Variants in HIPK3 observed in about 807,000 individuals in gnomAD.
HIPK3 encodes the protein homeodomain interacting protein kinase 3.
Under a neutral mutation model 124.2 loss-of-function variants are expected in HIPK3, and 47 were observed. The ratio of observed to expected loss-of-function variants is 0.38; its 90% CI spans 0.30 to 0.48. HIPK3 has a LOEUF of 0.48. HIPK3 is among the 20% of genes least tolerant of loss of function. The pLI, the probability that HIPK3 is intolerant of heterozygous loss-of-function variation, is 0.98. For synonymous variants in HIPK3, 482 were observed against 515.2 expected (o/e 0.94, Z 0.87); for missense variants, 1,286 against 1,454.3 (o/e 0.88, Z 1.88).
chr11:33,338,748 T>C lies in HIPK3; in HGVS notation c.1342-9T>C, dbSNP rs1341051590. The C allele has an allele frequency of 6.4e-7, 1 of 1,574,000 alleles. No individual in the cohort carries two copies. The highest frequency in any genetic ancestry group is 8.7e-7 in the Non-Finnish European group (1 of 1,146,560). ...TGTATTCTTTTTTCCCTTTGATATA[T>C]GCAATAAGACATTGGAAGAGCATGA... On this transcript the variant is annotated splice_polypyrimidine_tract_variant and intron_variant, in intron 4 of 16. Transcript: ENST00000303296.
intron 1 of HIPK3, among the ~76,000 whole-genome samples, chr11:33,282,376 C>T (rs970045899): frequency 2.0e-5 from 3 of 149,888 alleles, no homozygotes; most frequent in African/African-American, 7.4e-5. Context: ...CAAAGACTGT[C>T]TCAAAAAAAA....
chr11:33,292,911 G>A (rs150797974), intron 2 of HIPK3, among the ~76,000 whole-genome samples: 1,823 of 152,200 alleles, frequency 0.012, 43 homozygotes, highest in African/African-American at 0.041. Context: ...AATTTGTTTT[G>A]TATTTTTGGT....
At chr11:33,280,188 C>G (rs1040443231) in intron 1 of HIPK3, among the ~76,000 whole-genome samples, 5 of 152,126 alleles carry the variant, frequency 3.3e-5, no homozygotes, top group African/African-American at 1.2e-4. Context: ...GGTAGTATTT[C>G]AAAACATCGT....
intron 2 of HIPK3, among the ~76,000 whole-genome samples, chr11:33,298,248 A>G (rs747135083): frequency 2.0e-5 from 3 of 152,204 alleles, no homozygotes; most frequent in Non-Finnish European, 4.4e-5. Flanking sequence ...CAAAGCCTGG[A>G]TTAGAGCATA....
intron 1 of HIPK3, among the ~76,000 whole-genome samples, chr11:33,258,923 A>T (rs909645005): frequency 2.0e-5 from 3 of 150,800 alleles, no homozygotes; most frequent in African/African-American, 7.3e-5. Context: ...ACAGCAAAAA[A>T]TTTCAGTTTA....
rs1173539375 is a variant in HIPK3, at chr11:33,353,419, G to A, written c.3499G>A (p.Gly1167Ser). The A allele has an allele frequency of 6.2e-7, 1 of 1,613,882 alleles. No individual in the cohort carries two copies. The highest frequency in any genetic ancestry group is 8.5e-7 in the Non-Finnish European group (1 of 1,179,972). Reference protein sequence around the residue: ...PSGIVHQVPVGLNPRLLPSPT... With the variant: ...PSGIVHQVPVSLNPRLLPSPT... ...TGGCATAGTTCACCAAGTCCCAGTG[G>A]GCTTAAATCCCCGTCTGTTACCATC... is the stretch of plus-strand genomic sequence containing the variant. The change falls in exon 17 of 17, where the codon GGC becomes AGC. Residue 1167 changes from glycine (G) to serine (S), a missense_variant. Transcript: ENST00000303296.
chr11:33,321,007 G>A (rs1464634584), intron 2 of HIPK3, among the ~76,000 whole-genome samples: 1 of 152,258 alleles, frequency 6.6e-6, no homozygotes, highest in East Asian at 1.9e-4. Flanking sequence ...AGTGCACATA[G>A]AGAGGATAGA....
At chr11:33,330,137 C>T (rs1020472050) in intron 3 of HIPK3, among the ~76,000 whole-genome samples, 2 of 152,140 alleles carry the variant, frequency 1.3e-5, no homozygotes, top group South Asian at 4.1e-4. Context: ...AAGCCTTGAC[C>T]AAAACTCAGT....
chr11:33,257,427 G>A lies in HIPK3; in HGVS notation c.-465G>A, dbSNP rs1850694671. 9.1e-6 allele frequency: 9 copies of A among 985,276 alleles called. No individual in the cohort carries two copies. The highest frequency in any genetic ancestry group is 3.5e-5 in the African/African-American group (2 of 57,368). 61.0% of individuals were successfully genotyped at this position (985,276 alleles called of 1,614,324 possible). Reference sequence around the variant, plus strand: ...GACTGCCGGCATCGCGGCGACCTGAGGAGATCAAGCCGCAGGCCCCGCCGT... The same window carrying A: ...GACTGCCGGCATCGCGGCGACCTGAAGAGATCAAGCCGCAGGCCCCGCCGT... On this transcript the variant is annotated 5_prime_UTR_variant, in exon 1 of 17. Transcript: ENST00000303296.
At chr11:33,352,728 A>G (rs1320147308) in intron 16 of HIPK3, among the ~76,000 whole-genome samples, 1 of 152,120 alleles carries the variant, frequency 6.6e-6, no homozygotes, top group African/African-American at 2.4e-5. Flanking sequence ...GGGAATCGTA[A>G]TTATATCATG....
chr11:33,326,020 A>G (rs1020753320), intron 2 of HIPK3, among the ~76,000 whole-genome samples: 2 of 150,056 alleles, frequency 1.3e-5, no homozygotes, highest in Admixed American at 6.7e-5. Flanking sequence ...TGGATTGGTT[A>G]AGGTTCTACT....
At chr11:33,292,545 C>T (rs1235949515) in intron 2 of HIPK3, among the ~76,000 whole-genome samples, 2 of 151,978 alleles carry the variant, frequency 1.3e-5, no homozygotes, top group African/African-American at 2.4e-5. Flanking sequence ...GAGAAGGAGC[C>T]AGGGTTGACT....
upstream of HIPK3, chr11:33,257,379 C>G (rs1590327905): frequency 1.0e-6 from 1 of 985,020 alleles, no homozygotes; most frequent in East Asian, 1.1e-4. Context: ...GCTGGGGCGG[C>G]TGGTGGCAGC....
At chr11:33,292,793 T>C (rs1046179338) in intron 2 of HIPK3, among the ~76,000 whole-genome samples, 1 of 152,220 alleles carries the variant, frequency 6.6e-6, no homozygotes, top group African/African-American at 2.4e-5. Flanking sequence ...TGGAGTGCAG[T>C]GGCACAATCT....
At chr11:33,335,406 T>A (rs118105247) in intron 3 of HIPK3, among the ~76,000 whole-genome samples, 2 of 152,032 alleles carry the variant, frequency 1.3e-5, no homozygotes, top group Non-Finnish European at 2.9e-5. Flanking sequence ...TCGTGGAAAT[T>A]GAGCGATTTT....
At chr11:33,343,349 TG>T (rs1853399109) in intron 8 of HIPK3, among the ~76,000 whole-genome samples, 1 of 151,352 alleles carries the variant, frequency 6.6e-6, no homozygotes, top group Non-Finnish European at 1.5e-5. Flanking sequence ...AGCACGATCT[TG>T]GCTCACTGCA....
At chr11:33,261,551 T>C (rs1358089347) in intron 1 of HIPK3, among the ~76,000 whole-genome samples, 1 of 152,174 alleles carries the variant, frequency 6.6e-6, no homozygotes, top group Admixed American at 6.5e-5. Flanking sequence ...GACATCATTC[T>C]TTTTTTATGG....
intron 1 of HIPK3, among the ~76,000 whole-genome samples, chr11:33,273,336 G>C (rs957450217): frequency 2.6e-5 from 4 of 151,804 alleles, no homozygotes; most frequent in African/African-American, 4.8e-5. Context: ...AACCCCGTCT[G>C]TACTAACAAT....
At chr11:33,294,046 C>T (rs1157511426) in intron 2 of HIPK3, among the ~76,000 whole-genome samples, 2 of 151,442 alleles carry the variant, frequency 1.3e-5, no homozygotes, top group East Asian at 1.9e-4. Context: ...AGGCACGTGT[C>T]AGGAAGCTGA....
Sources: allele counts gnomAD v4.1 joint callset (sites outside exome capture counted in the v4.1 genomes callset), GRCh38; gene constraint gnomAD v4.1.1; transcripts MANE v1.5; gene names NCBI Gene and HGNC (gene_info 2026-07-23, HGNC 2026-07-21).